The following GRIA4 variants were observed in gnomAD, a reference collection of about 807,000 sequenced individuals.
GRIA4 encodes glutamate receptor 4.
GRIA4 carries 34 observed loss-of-function variants against 104.0 expected under a neutral mutation model. That is an observed-to-expected ratio of 0.33 (90% CI 0.25 to 0.44). The LOEUF is 0.44. Ranked by LOEUF, GRIA4 falls within the 20% of genes least tolerant of loss-of-function variation. GRIA4 has a pLI of 1.00. For synonymous variants in GRIA4, 386 were observed against 381.9 expected (o/e 1.01, Z -0.13); for missense variants, 750 against 1,096.5 (o/e 0.68, Z 4.46).
chr11:105,868,323 G>A (rs1031563607), intron 5 of GRIA4, among the ~76,000 whole-genome samples: 1 of 152,138 alleles, frequency 6.6e-6, no homozygotes, highest in East Asian at 1.9e-4. Flanking sequence ...AAGCTGAAAC[G>A]GAGCAGTAGA....
intron 5 of GRIA4, among the ~76,000 whole-genome samples, chr11:105,863,253 T>G (rs1014676709): frequency 6.6e-6 from 1 of 152,102 alleles, no homozygotes; most frequent in African/African-American, 2.4e-5. Flanking sequence ...CTCAACTATA[T>G]TAGCATTTGT....
intron 10 of GRIA4, 40 bp downstream of exon 10, chr11:105,910,585 C>G (rs766001807): frequency 9.3e-7 from 1 of 1,079,442 alleles, no homozygotes; most frequent in Admixed American, 1.7e-5. Flanking sequence ...CCGTTTTGTC[C>G]ACAGGCAATT....
At chr11:105,701,664 A>G (rs1234494616) in intron 3 of GRIA4, among the ~76,000 whole-genome samples, 1 of 152,136 alleles carries the variant, frequency 6.6e-6, no homozygotes, top group African/African-American at 2.4e-5. Context: ...GCAATTAAAT[A>G]GTGAGGGGAA....
At chr11:105,634,131 G>A (rs1279586130) in intron 3 of GRIA4, among the ~76,000 whole-genome samples, 17 of 152,008 alleles carry the variant, frequency 1.1e-4, no homozygotes, top group East Asian at 1.9e-4. Flanking sequence ...GGCAGATCAC[G>A]AGGTCAGGAG....
chr11:105,755,056 G>A (rs1940221765), intron 4 of GRIA4, among the ~76,000 whole-genome samples: 1 of 152,066 alleles, frequency 6.6e-6, no homozygotes, highest in Admixed American at 6.6e-5. Flanking sequence ...CAGAAACCTG[G>A]GGAACAATGT....
intron 3 of GRIA4, among the ~76,000 whole-genome samples, chr11:105,719,391 T>G (rs1304711831): frequency 1.3e-5 from 2 of 152,138 alleles, no homozygotes; most frequent in Non-Finnish European, 2.9e-5. Flanking sequence ...ATTCCTCTCA[T>G]CAAATTAGTA....
intron 3 of GRIA4, among the ~76,000 whole-genome samples, chr11:105,701,877 T>C (rs1020807558): frequency 1.3e-5 from 2 of 152,190 alleles, no homozygotes; most frequent in Admixed American, 1.3e-4. Context: ...TTTATATATT[T>C]TACTGAATAG....
At chr11:105,968,640 AC>A (rs1360632100) in intron 14 of GRIA4, among the ~76,000 whole-genome samples, 1 of 152,238 alleles carries the variant, frequency 6.6e-6, no homozygotes, top group African/African-American at 2.4e-5. Flanking sequence ...CTTGTGGGGT[AC>A]AAATTCCTTC....
chr11:105,693,601 C>G (rs531087366), intron 3 of GRIA4, among the ~76,000 whole-genome samples: 2 of 152,244 alleles, frequency 1.3e-5, no homozygotes, highest in African/African-American at 4.8e-5. Context: ...TGTTATTACC[C>G]TCTTGCTTTG....
chr11:105,923,193 C>T (rs1046504441), intron 11 of GRIA4, among the ~76,000 whole-genome samples: 1 of 152,130 alleles, frequency 6.6e-6, no homozygotes, highest in Non-Finnish European at 1.5e-5. Context: ...TTTCTGACTC[C>T]ATTTTAATAT....
chr11:105,811,916 C>T (rs1440401560), intron 4 of GRIA4, among the ~76,000 whole-genome samples: 2 of 152,148 alleles, frequency 1.3e-5, no homozygotes, highest in South Asian at 2.1e-4. Flanking sequence ...CCTTGTGGTA[C>T]CCATTTGATC....
chr11:105,770,291 C>A (rs1410696472), intron 4 of GRIA4, among the ~76,000 whole-genome samples: 1 of 152,020 alleles, frequency 6.6e-6, no homozygotes, highest in East Asian at 1.9e-4. Flanking sequence ...TGCAATTTTA[C>A]AAGGGAAGAA....
At chr11:105,954,796 G>A (rs1165930642) in intron 14 of GRIA4, among the ~76,000 whole-genome samples, 1 of 151,742 alleles carries the variant, frequency 6.6e-6, no homozygotes, top group Non-Finnish European at 1.5e-5. Context: ...GGTTAGGTCT[G>A]AGCATGAGTA....
At chr11:105,901,949 C>T (rs1225188632) in intron 7 of GRIA4, among the ~76,000 whole-genome samples, 1 of 151,842 alleles carries the variant, frequency 6.6e-6, no homozygotes, top group Non-Finnish European at 1.5e-5. Flanking sequence ...ATTTTCTTGC[C>T]TTACGAAAAA....
In GRIA4 at chr11:105,622,309, T is replaced by A. The variant is rs147318106; in HGVS notation, c.247+9875T>A. 6.8e-3 allele frequency among the ~76,000 whole-genome samples: 1,037 copies of A among 151,994 alleles called. 6 individuals are homozygous for A. The highest frequency in any genetic ancestry group is 0.022 in the African/African-American group (893 of 41,532). On this transcript the variant is annotated intron_variant, in intron 3 of 16. Transcript: ENST00000282499. Reference sequence around the variant, plus strand: ...TTAATTTTATATTTGTAACACTAACTCTTCTGGAATTTATTTTCTTACATT... The same window carrying A: ...TTAATTTTATATTTGTAACACTAACACTTCTGGAATTTATTTTCTTACATT...
intron 14 of GRIA4, among the ~76,000 whole-genome samples, chr11:105,950,200 G>A (rs1046423797): frequency 1.3e-5 from 2 of 152,172 alleles, no homozygotes; most frequent in Non-Finnish European, 2.9e-5. Flanking sequence ...CTGGGTAGCA[G>A]AGAATGGATT....
At chr11:105,857,627 C>T (rs1945054343) in intron 4 of GRIA4, among the ~76,000 whole-genome samples, 2 of 152,098 alleles carry the variant, frequency 1.3e-5, no homozygotes, top group Non-Finnish European at 1.5e-5. Context: ...TCCACATTCT[C>T]ACCTCTTCCC....
At chr11:105,757,655 G>T (rs1940391812) in intron 4 of GRIA4, among the ~76,000 whole-genome samples, 2 of 152,190 alleles carry the variant, frequency 1.3e-5, no homozygotes, top group East Asian at 3.9e-4. Context: ...CAGTTTCGTT[G>T]TCATCACTTA....
intron 6 of GRIA4, among the ~76,000 whole-genome samples, chr11:105,897,278 C>G (rs76637400): frequency 0.066 from 10,070 of 152,124 alleles, 871 homozygotes; most frequent in African/African-American, 0.2. Flanking sequence ...TGAAATTTTA[C>G]TGCAATTGTT....
Sources: gnomAD v4.1 joint callset for allele counts (sites outside exome capture counted in the v4.1 genomes callset) on GRCh38, gnomAD v4.1.1 for gene constraint, MANE v1.5 for transcripts, NCBI Gene and HGNC (gene_info 2026-07-23, HGNC 2026-07-21) for gene names.